The following IARS1 variants were observed in gnomAD, a reference collection of about 807,000 sequenced individuals.
IARS1 encodes isoleucyl-tRNA synthetase 1, also known as isoleucine--tRNA ligase, cytoplasmic.
IARS1 carries 124 observed loss-of-function variants against 168.2 expected under a neutral mutation model. The observed-to-expected ratio is 0.74, with a 90% confidence interval of 0.64 to 0.86. IARS1 has a LOEUF of 0.86. Among genes scored for constraint, IARS1 ranks in the 40% least tolerant of loss-of-function variants. The probability of loss-of-function intolerance (pLI) is 0.00; values close to 1 mark genes in which losing one functional copy is unlikely to be tolerated. For missense variants in IARS1, 1,452 were observed against 1,515.8 expected, an observed-to-expected ratio of 0.96 and a Z score of 0.70; for synonymous variants, 532 against 529.4, an observed-to-expected ratio of 1.00 and a Z score of -0.07.
At chr9:92,274,372 T>C (rs1833502819) in intron 10 of IARS1, 54 bp downstream of exon 10, 5 of 1,384,518 alleles carry the variant, frequency 3.6e-6, no homozygotes, top group South Asian at 2.3e-5. Flanking sequence ...TCCGCATCTA[T>C]GAAAAGTGGC....
chr9:92,212,203 G>C (rs1249788462), intron 33 of IARS1, among the ~76,000 whole-genome samples: 1 of 152,134 alleles, frequency 6.6e-6, no homozygotes, highest in African/African-American at 2.4e-5. Context: ...AGACATCTAA[G>C]GGTTTCTAAA....
At chr9:92,233,449 AG>A (rs1259395154) in intron 30 of IARS1, among the ~76,000 whole-genome samples, 1 of 152,238 alleles carries the variant, frequency 6.6e-6, no homozygotes, top group Non-Finnish European at 1.5e-5. Context: ...TTCATCTTTG[AG>A]GAGATGCAAT....
At chr9:92,287,745 A>C in intron 4 of IARS1, 46 bp downstream of exon 4, 4 of 1,569,572 alleles carry the variant, frequency 2.5e-6, no homozygotes, top group Non-Finnish European at 3.5e-6. Flanking sequence ...ATGCCCATTT[A>C]GTAACTACAT....
At chr9:92,278,355 C>T in intron 7 of IARS1, 69 bp from the exon 8 acceptor site, 1 of 1,053,940 alleles carries the variant, frequency 9.5e-7, no homozygotes, top group South Asian at 1.3e-5. Context: ...AGACATGCAT[C>T]AAGCATACTT....
rs745827597 is a variant in IARS1, at chr9:92,243,206, A to G, written c.3000+10T>C. On this transcript the variant is annotated intron_variant, in intron 28 of 33. Coordinates refer to ENST00000443024, the MANE Select transcript of IARS1 (RefSeq NM_002161.6). ...CAAAACAGTAGCTTATTCTTAACTG[A>G]CAAACTAACCTTTTTGCGAAGTTTC... 1.2e-6 allele frequency: 2 copies of G among 1,608,806 alleles called. No individual in the cohort carries two copies. Among genetic ancestry groups the G allele is most frequent in the African/African-American group, 2.7e-5 (2 of 74,856 alleles).
intron 10 of IARS1, among the ~76,000 whole-genome samples, chr9:92,273,807 C>T (rs988016584): frequency 7.2e-5 from 11 of 152,198 alleles, no homozygotes; most frequent in African/African-American, 2.4e-4. Flanking sequence ...ACTGACAAAA[C>T]GATCAAGCCT....
At chr9:92,288,046 A>G in intron 3 of IARS1, 80 bp downstream of exon 3, 1 of 1,509,054 alleles carries the variant, frequency 6.6e-7, no homozygotes. Context: ...AACGTTCATC[A>G]TACTTGAACA....
chr9:92,288,350 T>C, intron 2 of IARS1, 68 bp from the exon 3 acceptor site: 2 of 1,348,856 alleles, frequency 1.5e-6, no homozygotes, highest in Non-Finnish European at 2.1e-6. Context: ...TTTCTATAGA[T>C]AGCTCTTGTC....
At position 92,293,648 on chromosome 9, in the gene IARS1, A is replaced by T; in HGVS notation, c.-45T>A. 1 of 299,218 alleles carries T rather than the reference A, an allele frequency of 3.3e-6. No individual in the cohort carries two copies. The highest frequency in any genetic ancestry group is 3.0e-5 in the South Asian group (1 of 33,596). 18.5% of individuals were successfully genotyped at this position (299,218 alleles called of 1,614,324 possible). ...GCGTGCCTGGACAGCCCCGCGGGCC[A>T]GCAAGCCTAAAAGCAACTCATCCGG... is the stretch of plus-strand genomic sequence containing the variant. On this transcript the variant is annotated 5_prime_UTR_variant, in exon 1 of 34. Coordinates refer to ENST00000443024, the MANE Select transcript of IARS1 (RefSeq NM_002161.6).
intron 17 of IARS1, among the ~76,000 whole-genome samples, 154 bp from the exon 18 acceptor site, chr9:92,260,388 G>A (rs1587825298): frequency 6.6e-6 from 1 of 152,208 alleles, no homozygotes; most frequent in African/African-American, 2.4e-5. Flanking sequence ...GGGCGCGGTG[G>A]CTCACTCCTG....
intron 30 of IARS1, among the ~76,000 whole-genome samples, chr9:92,235,513 A>AT (rs558342421): frequency 0.057 from 6,536 of 114,204 alleles, 619 homozygotes; most frequent in African/African-American, 0.18. Context: ...AATTACATTG[A>AT]TTTTTTTTTT....
chr9:92,229,224 A>G, intron 30 of IARS1, 98 bp from the exon 31 acceptor site: 1 of 1,276,264 alleles, frequency 7.8e-7, no homozygotes, highest in Non-Finnish European at 1.1e-6. Flanking sequence ...TTCAAGCCCT[A>G]ATATTTTTCC....
intron 21 of IARS1, among the ~76,000 whole-genome samples, chr9:92,252,203 A>G (rs912016439): frequency 2.0e-5 from 3 of 152,246 alleles, no homozygotes; most frequent in Non-Finnish European, 4.4e-5. Flanking sequence ...GGATCTACCC[A>G]CAACAGACAA....
At chr9:92,232,444 G>GTT (rs1826866219) in intron 30 of IARS1, among the ~76,000 whole-genome samples, 2 of 152,172 alleles carry the variant, frequency 1.3e-5, no homozygotes, top group African/African-American at 4.8e-5. Context: ...AAAAGACATG[G>GTT]TTTTGGTAAG....
chr9:92,239,622 TG>T (rs754111597), intron 30 of IARS1, among the ~76,000 whole-genome samples: 11 of 152,132 alleles, frequency 7.2e-5, no homozygotes, highest in Non-Finnish European at 1.5e-4. Flanking sequence ...CATTTGTAAA[TG>T]GGAGGGATGC....
At chr9:92,245,722 C>T (rs1336247981) in intron 26 of IARS1, among the ~76,000 whole-genome samples, 5 of 151,768 alleles carry the variant, frequency 3.3e-5, no homozygotes, top group Admixed American at 1.3e-4. Flanking sequence ...CAGAACAGTA[C>T]GCTCAGAAAC....
intron 33 of IARS1, among the ~76,000 whole-genome samples, chr9:92,220,652 A>C (rs1469945168): frequency 6.9e-6 from 1 of 144,616 alleles, no homozygotes; most frequent in Non-Finnish European, 1.6e-5. Context: ...AACAAACAAA[A>C]AACACGAATA....
rs567900981 is a variant in IARS1, at chr9:92,270,849, A to C, written c.1205+136T>G. ...ACCCAACTCTCCTAAAAATGAAGTAAGAAGGTGGCTTCCCAAACCAACTCT... is the reference window on the plus strand; with the variant it reads ...ACCCAACTCTCCTAAAAATGAAGTACGAAGGTGGCTTCCCAAACCAACTCT... On this transcript the variant is annotated intron_variant, in intron 12 of 33. Transcript: ENST00000443024. The C allele has an allele frequency of 3.1e-5, 16 of 524,236 alleles. No individual in the cohort carries two copies. In the South Asian group the frequency reaches 7.2e-4, roughly 24 times the overall value. 32.5% of individuals were successfully genotyped at this position (524,236 alleles called of 1,614,324 possible). A position where few individuals can be genotyped will look rare whatever the true frequency, so the allele number is the denominator to read the frequency against.
chr9:92,210,274 T>A lies in IARS1; in HGVS notation c.*533A>T, dbSNP rs1837554253. On this transcript the variant is annotated 3_prime_UTR_variant, in exon 34 of 34. Transcript: ENST00000443024. ...ATAAGAAACCACCATGAAGTTTTTA[T>A]GTTCTTCAAAGTTTACACATTTCAA... The A allele has an allele frequency of 6.6e-6, 1 of 152,416 alleles. No homozygotes were observed. The highest frequency in any genetic ancestry group is 2.4e-5 in the African/African-American group (1 of 41,472). The allele number at this position is 152,416 out of a possible 1,614,324, so 9.4% of individuals were successfully genotyped here.
Sources: gnomAD v4.1 joint callset for allele counts (sites outside exome capture counted in the v4.1 genomes callset) on GRCh38, gnomAD v4.1.1 for gene constraint, MANE v1.5 for transcripts, NCBI Gene and HGNC (gene_info 2026-07-23, HGNC 2026-07-21) for gene names.